The following SLC24A4 variants were observed in gnomAD, a reference collection of about 807,000 sequenced individuals.
SLC24A4 encodes the protein solute carrier family 24 member 4.
A neutral mutation model predicts 79.0 loss-of-function variants in SLC24A4; 53 were observed. The observed-to-expected ratio is 0.67, with a 90% CI of 0.54 to 0.84. The LOEUF (loss-of-function observed/expected upper bound fraction) is 0.84, where lower values mean the gene tolerates loss of function less well. SLC24A4 is among the 40% of genes least tolerant of loss of function. SLC24A4 has a pLI of 0.00. For missense variants in SLC24A4, 731 were observed against 822.0 expected, an observed-to-expected ratio of 0.89 and a Z score of 1.35; for synonymous variants, 323 against 323.8, an observed-to-expected ratio of 1.00 and a Z score of 0.03.
At chr14:92,470,512 A>C (rs942033539) in intron 12 of SLC24A4, among the ~76,000 whole-genome samples, 1 of 152,256 alleles carries the variant, frequency 6.6e-6, no homozygotes, top group Middle Eastern at 3.4e-3. Flanking sequence ...CTGTTTTGTT[A>C]CAGTTCATTT....
At chr14:92,447,103 A>G (rs1371127652) in intron 8 of SLC24A4, among the ~76,000 whole-genome samples, 1 of 152,166 alleles carries the variant, frequency 6.6e-6, no homozygotes, top group African/African-American at 2.4e-5. Context: ...TTTTTCTAGG[A>G]AGCTGAGGGA....
chr14:92,342,163 C>T (rs1886181735), intron 2 of SLC24A4, among the ~76,000 whole-genome samples: 2 of 151,956 alleles, frequency 1.3e-5, no homozygotes, highest in Non-Finnish European at 1.5e-5. Context: ...AGAGGGGTCT[C>T]AGAAGGGATC....
At chr14:92,358,964 G>A (rs1382596880) in intron 2 of SLC24A4, among the ~76,000 whole-genome samples, 1 of 152,028 alleles carries the variant, frequency 6.6e-6, no homozygotes, top group Non-Finnish European at 1.5e-5. Flanking sequence ...GGGATTACAG[G>A]TGTGAGCCAC....
intron 2 of SLC24A4, among the ~76,000 whole-genome samples, chr14:92,409,334 G>A (rs1166800098): frequency 6.6e-6 from 1 of 152,226 alleles, no homozygotes; most frequent in Non-Finnish European, 1.5e-5. Context: ...CTGCAAAGCT[G>A]AGCAAAGCTG....
intron 2 of SLC24A4, among the ~76,000 whole-genome samples, chr14:92,344,186 G>C (rs543355436): frequency 2.0e-5 from 3 of 152,366 alleles, no homozygotes; most frequent in African/African-American, 7.2e-5. Context: ...TGTCTGAGCA[G>C]AAGCTTTAAA....
At chr14:92,413,081 C>T (rs1049472635) in intron 2 of SLC24A4, among the ~76,000 whole-genome samples, 3 of 152,160 alleles carry the variant, frequency 2.0e-5, no homozygotes, top group African/African-American at 7.2e-5. Context: ...GACCATATGG[C>T]CCGCAAAGCC....
intron 12 of SLC24A4, among the ~76,000 whole-genome samples, chr14:92,479,306 C>T (rs78677013): frequency 0.023 from 3,439 of 152,214 alleles, 134 homozygotes; most frequent in African/African-American, 0.078. Context: ...CAATAGCTTT[C>T]AATCTTAATC....
At chr14:92,330,830 C>A (rs75217956) in intron 2 of SLC24A4, among the ~76,000 whole-genome samples, 1 of 152,334 alleles carries the variant, frequency 6.6e-6, no homozygotes, top group African/African-American at 2.4e-5. Flanking sequence ...ACCTTAATTA[C>A]CTCCCAAAAG....
At chr14:92,427,641 G>T (rs1739652820) in intron 2 of SLC24A4, among the ~76,000 whole-genome samples, 1 of 150,274 alleles carries the variant, frequency 6.7e-6, no homozygotes, top group South Asian at 2.1e-4. Context: ...TGGCTGAAAA[G>T]GAGGTGGGTG....
At chr14:92,370,450 T>G (rs1888090468) in intron 2 of SLC24A4, among the ~76,000 whole-genome samples, 1 of 152,210 alleles carries the variant, frequency 6.6e-6, no homozygotes, top group South Asian at 2.1e-4. Flanking sequence ...TCTTGGGAGA[T>G]ACCTGCTTTC....
At chr14:92,453,633 G>A (rs906227568) in intron 10 of SLC24A4, 18 of 390,276 alleles carry the variant, frequency 4.6e-5, no homozygotes, top group Admixed American at 2.4e-4. Context: ...CAGAAGAGAG[G>A]CGAAAAGAGC....
At chr14:92,325,044 G>A (rs1173648078) in intron 1 of SLC24A4, among the ~76,000 whole-genome samples, 1 of 152,116 alleles carries the variant, frequency 6.6e-6, no homozygotes, top group African/African-American at 2.4e-5. Flanking sequence ...CTTAGTACCT[G>A]GTGCTTTGCA....
At chr14:92,359,244 C>T (rs567358497) in intron 2 of SLC24A4, among the ~76,000 whole-genome samples, 49 of 152,242 alleles carry the variant, frequency 3.2e-4, no homozygotes, top group Admixed American at 6.5e-4. Flanking sequence ...CCCCAATCCA[C>T]TCTTAACACA....
intron 12 of SLC24A4, among the ~76,000 whole-genome samples, chr14:92,475,279 A>G (rs1441756383): frequency 6.6e-6 from 1 of 152,186 alleles, no homozygotes; most frequent in African/African-American, 2.4e-5. Flanking sequence ...TTCAAAATGC[A>G]GAGCAATTAG....
rs150039038 is a variant in SLC24A4 at position 92,343,042 on chromosome 14, A to T, written c.241+17064A>T. Among the ~76,000 whole-genome samples the T allele has an allele frequency of 3.9e-5, 6 of 152,296 alleles. No homozygotes were observed. The East Asian group carries it at 1.2e-3, about 29-fold the overall frequency. On this transcript the variant is annotated intron_variant, in intron 2 of 16. Transcript: ENST00000532405. Reference sequence around the variant, plus strand: ...TGCAAGCTGTTGCCCCATCACACACATCCCTGCGCAGCTTGCACCTTTGGC... The same window carrying T: ...TGCAAGCTGTTGCCCCATCACACACTTCCCTGCGCAGCTTGCACCTTTGGC...
chr14:92,326,035 A>T, intron 2 of SLC24A4, 57 bp downstream of exon 2: 1 of 1,247,252 alleles, frequency 8.0e-7, no homozygotes, highest in Non-Finnish European at 1.2e-6. Flanking sequence ...TGGCCTGGAG[A>T]TGGCGCTTAT....
intron 2 of SLC24A4, among the ~76,000 whole-genome samples, chr14:92,416,122 GGTGTGTGTGT>G (rs34411259): frequency 2.0e-5 from 3 of 148,008 alleles, no homozygotes; most frequent in South Asian, 2.1e-4. Flanking sequence ...TTGTGTGTGT[GGTGTGTGTGT>G]GTGTGTGTGT....
intron 2 of SLC24A4, among the ~76,000 whole-genome samples, chr14:92,327,598 G>C (rs555501027): frequency 6.6e-5 from 10 of 152,336 alleles, no homozygotes; most frequent in African/African-American, 2.2e-4. Flanking sequence ...TGTTTGGGTG[G>C]TTTCAAGCTT....
At chr14:92,329,860 A>G (rs1221058824) in intron 2 of SLC24A4, among the ~76,000 whole-genome samples, 4 of 152,108 alleles carry the variant, frequency 2.6e-5, no homozygotes, top group African/African-American at 9.7e-5. Flanking sequence ...TACTCACTTC[A>G]TTGTTGGGTG....
Sources: gnomAD v4.1 joint callset for allele counts (sites outside exome capture counted in the v4.1 genomes callset) on GRCh38, gnomAD v4.1.1 for gene constraint, MANE v1.5 for transcripts, NCBI Gene and HGNC (gene_info 2026-07-23, HGNC 2026-07-21) for gene names.